ARHGAP20: variants seen among roughly 807,000 people sequenced by gnomAD.
ARHGAP20 encodes the protein rho GTPase-activating protein 20.
In ARHGAP20, 34 loss-of-function variants were observed where a neutral mutation model predicts 73.7. That is an observed-to-expected ratio of 0.46 (90% confidence interval 0.35 to 0.61). The LOEUF (loss-of-function observed/expected upper bound fraction) is 0.61. Among genes scored for constraint, ARHGAP20 ranks in the 20% least tolerant of loss-of-function variants. The pLI is 0.00. For synonymous variants in ARHGAP20, 523 were observed against 518.2 expected (o/e 1.01, Z -0.13); for missense variants, 1,314 against 1,420.9 (o/e 0.92, Z 1.21).
chr11:110,628,977 C>T (rs1948805044), intron 3 of ARHGAP20, among the ~76,000 whole-genome samples: 1 of 151,972 alleles, frequency 6.6e-6, no homozygotes, highest in Non-Finnish European at 1.5e-5. Context: ...CAGTAAATAA[C>T]CTCAGGTAAA....
At chr11:110,637,301 G>A (rs868349847) in intron 2 of ARHGAP20, among the ~76,000 whole-genome samples, 2 of 152,038 alleles carry the variant, frequency 1.3e-5, no homozygotes, top group Non-Finnish European at 2.9e-5. Context: ...ACGATAACAA[G>A]TACTAGATAG....
intron 1 of ARHGAP20, among the ~76,000 whole-genome samples, chr11:110,706,009 T>C (rs1950546989): frequency 6.6e-6 from 1 of 152,156 alleles, no homozygotes; most frequent in Non-Finnish European, 1.5e-5. Context: ...ATTGTGTCAT[T>C]GATTGTCACT....
intron 1 of ARHGAP20, among the ~76,000 whole-genome samples, chr11:110,701,768 A>G (rs1358626162): frequency 6.6e-6 from 1 of 152,054 alleles, no homozygotes. Flanking sequence ...TATAAGGTGT[A>G]AGGAAGAGAT....
intron 2 of ARHGAP20, among the ~76,000 whole-genome samples, chr11:110,676,765 AGTAG>A (rs1431844826): frequency 6.6e-6 from 1 of 152,190 alleles, no homozygotes; most frequent in Non-Finnish European, 1.5e-5. Flanking sequence ...AAAAATGAAA[AGTAG>A]GTATTCTATA....
intron 6 of ARHGAP20, 124 bp downstream of exon 6, chr11:110,614,437 T>G (rs1948438556): frequency 2.6e-6 from 2 of 763,478 alleles, no homozygotes. Context: ...TATTTCTAAA[T>G]GCCTACCTTC....
At chr11:110,591,577 T>C (rs1315443742) in intron 10 of ARHGAP20, among the ~76,000 whole-genome samples, 1 of 152,252 alleles carries the variant, frequency 6.6e-6, no homozygotes, top group Non-Finnish European at 1.5e-5. Context: ...AATGTATCTT[T>C]ATGCGTGAGC....
intron 1 of ARHGAP20, among the ~76,000 whole-genome samples, chr11:110,693,289 T>C (rs1201065906): frequency 1.3e-5 from 2 of 151,926 alleles, no homozygotes; most frequent in African/African-American, 4.8e-5. Context: ...GTTCCATTGT[T>C]CGTACTCAGA....
chr11:110,651,137 C>G (rs965159094), intron 2 of ARHGAP20, among the ~76,000 whole-genome samples: 14 of 152,050 alleles, frequency 9.2e-5, no homozygotes, highest in African/African-American at 3.4e-4. Flanking sequence ...CTGAATGACT[C>G]CTGGGTAAAT....
In ARHGAP20 at chr11:110,597,254, C is replaced by G. The variant is rs527917045; in HGVS notation, c.965-5099G>C. Among the ~76,000 whole-genome samples, 373 of 148,386 alleles carry G rather than the reference C, an allele frequency of 2.5e-3. 3 individuals are homozygous for G. Among genetic ancestry groups the G allele is most frequent in the African/African-American group, 9.0e-3 (359 of 39,804 alleles). The stretch of plus-strand genomic sequence containing the variant: ...TGTATACATATGTAACAAGCCTGCA[C>G]GTTGTGCACATGTACCCTAAAGTAT... On this transcript the variant is annotated intron_variant, in intron 9 of 14. Transcript: ENST00000683387.
intron 6 of ARHGAP20, among the ~76,000 whole-genome samples, 200 bp downstream of exon 6, chr11:110,614,361 T>C (rs1948436615): frequency 6.6e-6 from 1 of 152,210 alleles, no homozygotes; most frequent in Non-Finnish European, 1.5e-5. Context: ...TCACTTTCTC[T>C]AGGGTTTATT....
intron 2 of ARHGAP20, among the ~76,000 whole-genome samples, chr11:110,635,072 T>TA (rs1212830972): frequency 6.6e-6 from 1 of 151,998 alleles, no homozygotes; most frequent in Non-Finnish European, 1.5e-5. Context: ...CTGGCAGCTA[T>TA]AAAAAATCAG....
chr11:110,599,189 T>C (rs1282437603), intron 9 of ARHGAP20, among the ~76,000 whole-genome samples: 1 of 152,168 alleles, frequency 6.6e-6, no homozygotes, highest in Non-Finnish European at 1.5e-5. Flanking sequence ...GACATAGACA[T>C]TTCTGTACTC....
intron 3 of ARHGAP20, among the ~76,000 whole-genome samples, chr11:110,625,195 G>A (rs1948716180): frequency 6.7e-6 from 1 of 150,220 alleles, no homozygotes; most frequent in Non-Finnish European, 1.5e-5. Flanking sequence ...CCGCCACCGC[G>A]CCCGGCTAAT....
At chr11:110,707,406 C>T (rs1329786206) in intron 1 of ARHGAP20, among the ~76,000 whole-genome samples, 1 of 152,058 alleles carries the variant, frequency 6.6e-6, no homozygotes, top group African/African-American at 2.4e-5. Flanking sequence ...TATGCTATTA[C>T]ATTTTAGAAT....
chr11:110,621,602 G>C (rs1391095644), intron 4 of ARHGAP20, among the ~76,000 whole-genome samples: 1 of 151,554 alleles, frequency 6.6e-6, no homozygotes, highest in Non-Finnish European at 1.5e-5. Flanking sequence ...ATTTTCATTT[G>C]GCCCTTTTTA....
Position 110,624,247 on chromosome 11 carries a change from CA to C in ARHGAP20, c.417del (p.Cys139TrpfsTer13). 1.9e-6 allele frequency: 3 copies of C among 1,612,896 alleles called. No individual in the cohort carries two copies. Among genetic ancestry groups the C allele is most frequent in the Non-Finnish European group, 2.5e-6 (3 of 1,179,416 alleles). On this transcript the variant is annotated frameshift_variant, in exon 4 of 15. Coordinates refer to ENST00000683387, the MANE Select transcript of ARHGAP20 (RefSeq NM_001384657.1). LOFTEE classifies it high-confidence loss of function. ...IKLTDMWTAS[C>X]VDEVGEGNTN... Reference sequence around the variant, plus strand: ...GTGTTGCCTTCTCCCACTTCATCCACACAGCTTGCTGTCCACATATCAGTTA... The same window carrying C: ...GTGTTGCCTTCTCCCACTTCATCCACCAGCTTGCTGTCCACATATCAGTTA...
intron 2 of ARHGAP20, among the ~76,000 whole-genome samples, chr11:110,661,355 C>T (rs866683574): frequency 8.5e-5 from 13 of 152,054 alleles, no homozygotes; most frequent in African/African-American, 3.1e-4. Flanking sequence ...AATTCATTCT[C>T]ATAATTTAGT....
chr11:110,687,675 T>A (rs1591178528), intron 2 of ARHGAP20, among the ~76,000 whole-genome samples: 1 of 152,136 alleles, frequency 6.6e-6, no homozygotes, highest in East Asian at 1.9e-4. Context: ...TCTTTTTATA[T>A]CCTGAAATGA....
chr11:110,681,675 G>A (rs1950039376), intron 2 of ARHGAP20, among the ~76,000 whole-genome samples: 3 of 152,148 alleles, frequency 2.0e-5, no homozygotes. Flanking sequence ...GTGGAATAAT[G>A]AGGAATTCGT....
Sources: allele counts gnomAD v4.1 joint callset (sites outside exome capture counted in the v4.1 genomes callset), GRCh38; gene constraint gnomAD v4.1.1; transcripts MANE v1.5; gene names NCBI Gene and HGNC (gene_info 2026-07-23, HGNC 2026-07-21).